PGA3: variants seen among roughly 807,000 people sequenced by gnomAD.
PGA3 encodes pepsinogen A3, also known as pepsin A-3.
In PGA3, 1 loss-of-function variant was observed where a neutral mutation model predicts 15.6. That is an observed-to-expected ratio of 0.06 (90% CI 0.02 to 0.30). The LOEUF (loss-of-function observed/expected upper bound fraction) is 0.30, where lower values mean the gene tolerates loss of function less well. Among genes scored for constraint, PGA3 ranks in the 10% least tolerant of loss-of-function variants. The pLI, the probability that PGA3 is intolerant of heterozygous loss-of-function variation, is 1.00. For missense variants in PGA3, 29 were observed against 183.7 expected, an observed-to-expected ratio of 0.16 and a Z score of 4.87; for synonymous variants, 14 against 79.5, an observed-to-expected ratio of 0.18 and a Z score of 4.38.
Position 61,205,401 on chromosome 11 carries a change from G to A in PGA3, c.220-1109G>A, listed in dbSNP as rs1783871. Among the ~76,000 whole-genome samples the A allele has an allele frequency of 1.7e-4, 26 of 152,178 alleles. No individual in the cohort carries two copies. In the East Asian group the frequency reaches 2.3e-3, roughly 14 times the overall value. Reference sequence around the variant, plus strand: ...CTGGAGCTTATACTCTAAAGGGGATGACAAATAAACAACCATGTAAGAGAA... The same window carrying A: ...CTGGAGCTTATACTCTAAAGGGGATAACAAATAAACAACCATGTAAGAGAA... On this transcript the variant is annotated intron_variant, in intron 2 of 8. Transcript: ENST00000325558.
Position 61,211,397 on chromosome 11 carries a change from G to A in PGA3, c.979G>A (p.Val327Ile), listed in dbSNP as rs1246330821. Residue 327 changes from valine (V) to isoleucine (I), a missense_variant, in exon 8 of 9, where the codon GTC becomes ATC. Val to Ile is a conservative substitution (Grantham distance 29). Around this residue, in one of 3 missense-constraint regions of PGA3, gnomAD observed 10 missense variants for 59.0 expected, o/e 0.17. Transcript: ENST00000325558. ...LPDIVFTINGVQYPVPPSAYI... is the reference protein window; with the variant it reads ...LPDIVFTINGIQYPVPPSAYI... Reference sequence around the variant, plus strand: ...CGACATCGTCTTCACCATCAATGGAGTCCAGTACCCCGTGCCACCCAGTGC... The same window carrying A: ...CGACATCGTCTTCACCATCAATGGAATCCAGTACCCCGTGCCACCCAGTGC... 5.5e-6 allele frequency: 7 copies of A among 1,270,714 alleles called. No individual in the cohort carries two copies. The highest frequency in any genetic ancestry group is 6.7e-6 in the Non-Finnish European group (6 of 898,666). The allele number at this position is 1,270,714 out of a possible 1,614,324, so 78.7% of individuals were successfully genotyped here.
At chr11:61,210,903 G>A in intron 6 of PGA3, 187 bp from the exon 7 acceptor site, 2 of 72,254 alleles carry the variant, frequency 2.8e-5, no homozygotes, top group South Asian at 8.1e-5. Context: ...CAGAGAGTAG[G>A]CACTTGGGAA....
chr11:61,203,616 T>C lies in PGA3; in HGVS notation c.52T>C (p.Tyr18His). 6.2e-7 allele frequency: 1 copy of C among 1,605,224 alleles called. No homozygotes were observed. Among genetic ancestry groups the C allele is most frequent in the African/African-American group, 1.3e-5 (1 of 74,186 alleles). ...GLVALSECIM[Y>H]KVPLIRKKSL... ...GGTGGCACTCTCTGAGTGCATCATG[T>C]ACAAGTGAGTCCGGGTGGTGTGGGT... is the stretch of plus-strand genomic sequence containing the variant. Residue 18 changes from tyrosine (Y) to histidine (H), a missense_variant, in exon 1 of 9, where the codon TAC (tyrosine) becomes CAC (histidine). Tyr to His is a moderately conservative substitution (Grantham distance 83, BLOSUM62 2). This residue lies in a region of PGA3 where 19 missense variants were observed against 77.9 expected (regional missense o/e 0.24). Coordinates refer to ENST00000325558, the MANE Select transcript of PGA3 (RefSeq NM_001079807.4).
intron 8 of PGA3, among the ~76,000 whole-genome samples, 192 bp downstream of exon 8, chr11:61,211,627 G>GC (rs1489026573): frequency 6.7e-6 from 1 of 149,558 alleles, no homozygotes; most frequent in African/African-American, 2.4e-5. Context: ...CTCGGATACA[G>GC]CCCCCTAAGG....
intron 8 of PGA3, 80 bp downstream of exon 8, chr11:61,211,515 CA>C (rs1462890482): frequency 7.3e-7 from 1 of 1,374,694 alleles, no homozygotes; most frequent in African/African-American, 1.4e-5. Flanking sequence ...ACGGAAAGTA[CA>C]CTTCCACGAG....
rs1853942033 is a variant in PGA3, at chr11:61,211,229, G to C, written c.913G>C (p.Gly305Arg). 1.6e-6 allele frequency: 1 copy of C among 607,752 alleles called. No individual in the cohort carries two copies. Among genetic ancestry groups the C allele is most frequent in the Non-Finnish European group, 2.8e-6 (1 of 360,118 alleles). 37.6% of individuals were successfully genotyped at this position (607,752 alleles called of 1,614,324 possible). The stretch of plus-strand genomic sequence containing the variant: ...CATCGGAGCCAGCGAGAACTCAGAT[G>C]GCGACGTGAGTCCAGCCCCGACTGC... ...SDIGASENSDGDMVVSCSAIS... is the reference protein window; with the variant it reads ...SDIGASENSDRDMVVSCSAIS... The change falls in exon 7 of 9, where the codon GGC becomes CGC. Residue 305 changes from glycine to arginine, a missense_variant. By Grantham distance (125) the Gly-to-Arg change is moderately radical (BLOSUM62 -2). Around this residue, in one of 3 missense-constraint regions of PGA3, gnomAD observed 10 missense variants for 59.0 expected, o/e 0.17. Transcript: ENST00000325558.
intron 2 of PGA3, among the ~76,000 whole-genome samples, chr11:61,204,890 A>C (rs1444895789): frequency 2.6e-5 from 4 of 152,194 alleles, no homozygotes; most frequent in Non-Finnish European, 5.9e-5. Context: ...TTTATCTTAA[A>C]CAGGGGTGTG....
At chr11:61,205,520 G>A (rs1215852017) in intron 2 of PGA3, among the ~76,000 whole-genome samples, 28 of 151,950 alleles carry the variant, frequency 1.8e-4, no homozygotes, top group African/African-American at 5.1e-4. Flanking sequence ...AAGTGGTCAC[G>A]GAAGGCCTGT....
intron 2 of PGA3, among the ~76,000 whole-genome samples, chr11:61,205,525 G>T (rs1270520006): frequency 2.6e-5 from 4 of 151,916 alleles, no homozygotes; most frequent in Admixed American, 6.6e-5. Context: ...GTCACGGAAG[G>T]CCTGTTGGCA....
chr11:61,211,619 C>T (rs1214331094), intron 8 of PGA3, among the ~76,000 whole-genome samples, 184 bp downstream of exon 8: 4 of 149,384 alleles, frequency 2.7e-5, no homozygotes, highest in Non-Finnish European at 6.0e-5. Flanking sequence ...AATAAGAACT[C>T]GGATACAGCC....
intron 2 of PGA3, among the ~76,000 whole-genome samples, chr11:61,205,519 C>T (rs1376288833): frequency 2.6e-5 from 4 of 151,774 alleles, no homozygotes; most frequent in East Asian, 1.9e-4. Context: ...AAAGTGGTCA[C>T]GGAAGGCCTG....
At chr11:61,207,323 TCAA>T (rs1203982375) in intron 3 of PGA3, among the ~76,000 whole-genome samples, 171 bp from the exon 4 acceptor site, 1 of 137,200 alleles carries the variant, frequency 7.3e-6, no homozygotes, top group Non-Finnish European at 1.7e-5. Context: ...TCCCAGTAGT[TCAA>T]CGAGACAGGA....
chr11:61,203,732 C>G, intron 1 of PGA3, 112 bp downstream of exon 1: 1 of 1,573,512 alleles, frequency 6.4e-7, no homozygotes, highest in Non-Finnish European at 8.7e-7. Context: ...GTCTCCATCC[C>G]CCTTTTCCGC....
chr11:61,205,478 A>G (rs1853914757), intron 2 of PGA3, among the ~76,000 whole-genome samples: 1 of 152,182 alleles, frequency 6.6e-6, no homozygotes, highest in Admixed American at 6.5e-5. Flanking sequence ...ACTATGGGGA[A>G]CAAAAAGATT....
At position 61,211,118 on chromosome 11, in the gene PGA3, T is replaced by G; in HGVS notation, c.802T>G (p.Cys268Gly). ...SITMNGEAIA[C>G]AEGCQAIVDT... Reference sequence around the variant, plus strand: ...CACCATGAACGGAGAGGCCATCGCCTGCGCTGAGGGCTGCCAGGCCATTGT... The same window carrying G: ...CACCATGAACGGAGAGGCCATCGCCGGCGCTGAGGGCTGCCAGGCCATTGT... Residue 268 changes from cysteine to glycine, a missense_variant, in exon 7 of 9, where the codon TGC becomes GGC. This residue lies in a region of PGA3 where 10 missense variants were observed against 59.0 expected (regional missense o/e 0.17). Transcript: ENST00000325558. The G allele has an allele frequency of 2.5e-6, 1 of 397,624 alleles. No individual in the cohort carries two copies. The highest frequency in any genetic ancestry group is 5.5e-5 in the African/African-American group (1 of 18,266). 24.6% of individuals were successfully genotyped at this position (397,624 alleles called of 1,614,324 possible).
chr11:61,204,884 T>C (rs1296919729), intron 2 of PGA3: 1 of 161,450 alleles, frequency 6.2e-6, no homozygotes, highest in African/African-American at 2.4e-5. Flanking sequence ...CTCTGATTTA[T>C]CTTAAACAGG....
intron 2 of PGA3, chr11:61,204,711 C>T (rs61899467): frequency 6.4e-6 from 1 of 156,262 alleles, no homozygotes; most frequent in Non-Finnish European, 1.2e-5. Context: ...GTTTCCAAGA[C>T]AACAAGACAG....
intron 2 of PGA3, chr11:61,206,138 T>G: frequency 5.1e-6 from 1 of 196,428 alleles, no homozygotes; most frequent in Non-Finnish European, 1.1e-5. Flanking sequence ...GCACAAGCAC[T>G]TAAGCTGTAA....
Position 61,203,550 on chromosome 11 carries a change from G to C in PGA3, c.-15G>C. 1.2e-6 allele frequency: 2 copies of C among 1,611,684 alleles called. No homozygotes were observed. Among genetic ancestry groups the C allele is most frequent in the East Asian group, 2.2e-5 (1 of 44,896 alleles). On this transcript the variant is annotated 5_prime_UTR_variant, in exon 1 of 9. Coordinates refer to ENST00000325558, the MANE Select transcript of PGA3 (RefSeq NM_001079807.4). Reference sequence around the variant, plus strand: ...CGTCTTGCCTTCTCCCTCGAGTTGGGACCCGGGAAGAACCATGAAGTGGCT... The same window carrying C: ...CGTCTTGCCTTCTCCCTCGAGTTGGCACCCGGGAAGAACCATGAAGTGGCT...
Sources: allele counts gnomAD v4.1 joint callset (sites outside exome capture counted in the v4.1 genomes callset), GRCh38; gene constraint gnomAD v4.1.1; regional missense constraint gnomAD v4.1.1; transcripts MANE v1.5; gene names NCBI Gene and HGNC (gene_info 2026-07-23, HGNC 2026-07-21).